The following RUNX3 variants were observed in gnomAD, a reference collection of about 807,000 sequenced individuals.
RUNX3 encodes RUNX family transcription factor 3.
RUNX3 carries 10 observed loss-of-function variants against 27.7 expected under a neutral mutation model. The ratio of observed to expected loss-of-function variants is 0.36; its 90% CI spans 0.22 to 0.61. The LOEUF (loss-of-function observed/expected upper bound fraction) is 0.61, where lower values mean the gene tolerates loss of function less well. Among genes scored for constraint, RUNX3 ranks in the 20% least tolerant of loss-of-function variants. The pLI is 0.72. For missense variants in RUNX3, 469 were observed against 629.5 expected (o/e 0.75, Z 2.73); for synonymous variants, 270 against 269.2 (o/e 1.00, Z -0.03).
In RUNX3 at chr1:24,907,392, C is replaced by T. The variant is rs766608699; in HGVS notation, c.570G>A (p.Gln190=). Residue 190 remains glutamine, a synonymous_variant, in exon 4 of 5, where the codon CAG becomes CAA. Coordinates refer to ENST00000308873, the MANE Select transcript of RUNX3 (RefSeq NM_004350.3). The part of the protein sequence containing the change: ...PRRHRQKLED[Q]TKPFPDRFGD... ...CAAAGCGGTCAGGGAACGGCTTGGT[C>T]TGGTCCTCCAGCTTCTGCCGGTGCC... is the stretch of plus-strand genomic sequence containing the variant. 5.0e-6 allele frequency: 8 copies of T among 1,613,684 alleles called. No individual in the cohort carries two copies. The highest frequency in any genetic ancestry group is 2.2e-5 in the South Asian group (2 of 91,052).
In RUNX3 at chr1:24,923,228, AGAG is replaced by A. The variant is rs1010242867; in HGVS notation, c.440-3887_440-3885del. Among the ~76,000 whole-genome samples the A allele has an allele frequency of 6.6e-6, 1 of 152,042 alleles. No individual in the cohort carries two copies. The highest frequency in any genetic ancestry group is 2.4e-5 in the African/African-American group (1 of 41,392). ...TCACCACCCCTCCCAGGTACAAAGG[AGAG>A]GAGTGTGGGGCCTAAGAGGAGGAGT... On this transcript the variant is annotated intron_variant, in intron 2 of 4. Coordinates refer to ENST00000308873, the MANE Select transcript of RUNX3 (RefSeq NM_004350.3). The surrounding 1 kb of genome is among the most constrained non-coding windows in gnomAD (Gnocchi z 5.9).
chr1:24,914,650 C>G (rs1023230185), intron 3 of RUNX3, among the ~76,000 whole-genome samples: 3 of 152,176 alleles, frequency 2.0e-5, no homozygotes, highest in Non-Finnish European at 4.4e-5. Flanking sequence ...AACCCCTTCC[C>G]TCCTGCTGGG....
rs1184498760 is a variant in RUNX3, at chr1:24,927,993, C to T, written c.283-263G>A. On this transcript the variant is annotated intron_variant, in intron 1 of 4. Transcript: ENST00000308873. This position sits in a 1 kb window ranked among gnomAD's most constrained non-coding sequence, Gnocchi z 5.0. ...ATAAACTGTGTCCCAAGAAATCATC[C>T]TTTCAATGAAATCTAAGCCAGAGCT... Among the ~76,000 whole-genome samples, 9 of 152,198 alleles carry T rather than the reference C, an allele frequency of 5.9e-5. No homozygotes were observed. The highest frequency in any genetic ancestry group is 1.0e-4 in the Non-Finnish European group (7 of 68,036).
At chr1:24,905,316 A>G (rs116379175) in intron 4 of RUNX3, among the ~76,000 whole-genome samples, 4,624 of 152,276 alleles carry the variant, frequency 0.03, 114 homozygotes, top group Middle Eastern at 0.075. Context: ...CTTGTCTAAG[A>G]TCATACAGCC....
At chr1:24,929,521 G>T in intron 1 of RUNX3, 66 bp downstream of exon 1, 1 of 1,465,912 alleles carries the variant, frequency 6.8e-7, no homozygotes, top group Non-Finnish European at 9.3e-7. Context: ...CGAGGCTCTG[G>T]CTCCCGCAGC....
At chr1:24,964,468 C>T (rs756714747) in intron 2 of RUNX3, 11 of 1,519,730 alleles carry the variant, frequency 7.2e-6, no homozygotes, top group Non-Finnish European at 9.9e-6. Flanking sequence ...TGGTCCGGGG[C>T]CTGGCCACAG....
intron 3 of RUNX3, among the ~76,000 whole-genome samples, chr1:24,917,455 G>A (rs1467296797): frequency 6.6e-6 from 1 of 152,100 alleles, no homozygotes; most frequent in Non-Finnish European, 1.5e-5. Flanking sequence ...TGACTCATGG[G>A]ACCCCTCTGT....
At position 24,929,921 on chromosome 1, in the gene RUNX3, G is replaced by C. The variant is rs1371127949; in HGVS notation, c.-53C>G. ...GCGGAGACGGCGCGGCTTCCCCCGG[G>C]GGCGGCCGGCGCGGGCGCCTCCTCG... is the stretch of plus-strand genomic sequence containing the variant. On this transcript the variant is annotated 5_prime_UTR_variant, in exon 1 of 5. Coordinates refer to ENST00000308873, the MANE Select transcript of RUNX3 (RefSeq NM_004350.3). 1.6e-6 allele frequency: 2 copies of C among 1,229,232 alleles called. No individual in the cohort carries two copies. Among genetic ancestry groups the C allele is most frequent in the Non-Finnish European group, 2.0e-6 (2 of 987,488 alleles). 76.1% of individuals were successfully genotyped at this position (1,229,232 alleles called of 1,614,324 possible).
intron 2 of RUNX3, among the ~76,000 whole-genome samples, chr1:24,954,217 G>A (rs1641853203): frequency 6.6e-6 from 1 of 152,204 alleles, no homozygotes; most frequent in Non-Finnish European, 1.5e-5. Context: ...GGTTTTTTCT[G>A]GGTGTTGAGA....
upstream of RUNX3, among the ~76,000 whole-genome samples, chr1:24,931,181 C>G (rs1381522921): frequency 6.6e-6 from 1 of 152,274 alleles, no homozygotes; most frequent in East Asian, 1.9e-4. Context: ...GCTAAGGGCC[C>G]TCGCTTTCAG....
exon 2 of RUNX3, chr1:24,964,514 C>A: frequency 6.2e-7 from 1 of 1,609,284 alleles, no homozygotes; most frequent in East Asian, 2.2e-5. Flanking sequence ...TGTTACTCAC[C>A]GCGGATGAAG....
chr1:24,960,780 G>A (rs1211304804), intron 2 of RUNX3, among the ~76,000 whole-genome samples: 2 of 152,154 alleles, frequency 1.3e-5, no homozygotes, highest in Non-Finnish European at 2.9e-5. Flanking sequence ...AGGGCCATTG[G>A]CCCATAATTG....
intron 3 of RUNX3, among the ~76,000 whole-genome samples, chr1:24,909,762 G>A (rs1419495435): frequency 2.0e-5 from 3 of 152,190 alleles, no homozygotes; most frequent in Non-Finnish European, 2.9e-5. Context: ...GGGCTGACCC[G>A]AGGAAAGGAC....
intron 2 of RUNX3, among the ~76,000 whole-genome samples, chr1:24,953,003 A>G (rs563707716): frequency 2.0e-5 from 3 of 152,174 alleles, no homozygotes; most frequent in Admixed American, 6.5e-5. Flanking sequence ...AATTTTTACT[A>G]TCTTTCTTTT....
chr1:24,935,150 C>T (rs1244710411), upstream of RUNX3, among the ~76,000 whole-genome samples: 2 of 152,216 alleles, frequency 1.3e-5, no homozygotes, highest in African/African-American at 2.4e-5. Context: ...CGCAGTTGGA[C>T]AGGACCTTTG....
intron 2 of RUNX3, among the ~76,000 whole-genome samples, chr1:24,940,909 A>G (rs1425373729): frequency 6.6e-6 from 1 of 152,182 alleles, no homozygotes; most frequent in Non-Finnish European, 1.5e-5. Context: ...TCTTCTTTAA[A>G]CAATACTTAT....
chr1:24,953,530 TAC>T (rs1641832722), intron 2 of RUNX3, among the ~76,000 whole-genome samples: 1 of 152,204 alleles, frequency 6.6e-6, no homozygotes, highest in African/African-American at 2.4e-5. Context: ...GTTCCTCAGT[TAC>T]AGTAGCCACG....
intron 3 of RUNX3, among the ~76,000 whole-genome samples, chr1:24,910,288 C>CA (rs745858311): frequency 0.016 from 1,261 of 81,196 alleles, 40 homozygotes; most frequent in South Asian, 0.14. Flanking sequence ...GATTCCATCT[C>CA]AAAAAAAAAA....
chr1:24,956,977 A>T (rs1641949306), intron 2 of RUNX3, among the ~76,000 whole-genome samples: 1 of 152,186 alleles, frequency 6.6e-6, no homozygotes, highest in African/African-American at 2.4e-5. Flanking sequence ...AGGGACCTGC[A>T]TTTACAAAAG....
Sources: allele counts gnomAD v4.1 joint callset (sites outside exome capture counted in the v4.1 genomes callset), GRCh38; gene constraint gnomAD v4.1.1; non-coding constraint Gnocchi (gnomAD v3.1); transcripts MANE v1.5; gene names NCBI Gene and HGNC (gene_info 2026-07-23, HGNC 2026-07-21).